Variants in PPP4R4 observed in about 807,000 individuals in gnomAD.
PPP4R4 encodes serine/threonine-protein phosphatase 4 regulatory subunit 4.
In PPP4R4, 70 loss-of-function variants were observed where a neutral mutation model predicts 121.8. The ratio of observed to expected loss-of-function variants is 0.57; its 90% CI spans 0.47 to 0.70. PPP4R4 has a LOEUF of 0.70. PPP4R4 is among the 30% of genes least tolerant of loss of function. The pLI, the probability that PPP4R4 is intolerant of heterozygous loss-of-function variation, is 0.00. For synonymous variants in PPP4R4, 348 were observed against 355.7 expected (o/e 0.98, Z 0.24); for missense variants, 875 against 1,033.6 (o/e 0.85, Z 2.10).
chr14:94,267,887 A>G (rs1227027764), intron 23 of PPP4R4, among the ~76,000 whole-genome samples: 2 of 152,132 alleles, frequency 1.3e-5, no homozygotes, highest in Non-Finnish European at 1.5e-5. Context: ...CTTAGGAGGA[A>G]TGTATATACT....
intron 23 of PPP4R4, among the ~76,000 whole-genome samples, 182 bp downstream of exon 23, chr14:94,267,211 T>C (rs551196752): frequency 6.6e-6 from 1 of 152,336 alleles, no homozygotes; most frequent in South Asian, 2.1e-4. Context: ...CTATTTTGTC[T>C]TCACTGTGTC....
chr14:94,224,475 T>A (rs944785901), intron 3 of PPP4R4, among the ~76,000 whole-genome samples: 1 of 151,890 alleles, frequency 6.6e-6, no homozygotes, highest in African/African-American at 2.4e-5. Context: ...ATTAAAGAAA[T>A]AGACAACAAA....
At chr14:94,274,865 A>G (rs914167395) in intron 23 of PPP4R4, among the ~76,000 whole-genome samples, 1 of 152,196 alleles carries the variant, frequency 6.6e-6, no homozygotes. Context: ...TATTTGTAAT[A>G]TATAAAAACT....
chr14:94,203,946 T>C (rs1890326867), intron 2 of PPP4R4, among the ~76,000 whole-genome samples: 2 of 152,202 alleles, frequency 1.3e-5, no homozygotes, highest in Admixed American at 1.3e-4. Context: ...CTAGCCCTTT[T>C]TCAAACATTC....
intron 3 of PPP4R4, among the ~76,000 whole-genome samples, chr14:94,213,120 C>T (rs188658225): frequency 1.3e-5 from 2 of 152,292 alleles, no homozygotes; most frequent in African/African-American, 4.8e-5. Flanking sequence ...GATCACTTGA[C>T]AGTGGAAGAA....
At chr14:94,261,504 A>G (rs1893784508) in intron 19 of PPP4R4, among the ~76,000 whole-genome samples, 1 of 152,018 alleles carries the variant, frequency 6.6e-6, no homozygotes, top group African/African-American at 2.4e-5. Context: ...GTAAGTGATC[A>G]TATCTTCTTT....
intron 17 of PPP4R4, among the ~76,000 whole-genome samples, chr14:94,257,420 G>A (rs1190495546): frequency 6.6e-6 from 1 of 151,924 alleles, no homozygotes; most frequent in African/African-American, 2.4e-5. Context: ...TTCCTTATTA[G>A]TGTCATAAAT....
At chr14:94,241,168 A>C (rs1892613800) in intron 9 of PPP4R4, among the ~76,000 whole-genome samples, 1 of 152,146 alleles carries the variant, frequency 6.6e-6, no homozygotes, top group Admixed American at 6.5e-5. Flanking sequence ...AGAGAAGTTC[A>C]GCTTGGGATG....
chr14:94,221,609 A>G (rs1259023526), intron 3 of PPP4R4, among the ~76,000 whole-genome samples: 1 of 152,124 alleles, frequency 6.6e-6, no homozygotes, highest in Non-Finnish European at 1.5e-5. Flanking sequence ...ATCATTAGTC[A>G]TTAGGACAAT....
In PPP4R4 at chr14:94,234,667, TG is replaced by T; in HGVS notation, c.731+1del. 6.4e-7 allele frequency: 1 copy of T among 1,562,236 alleles called. No homozygotes were observed. The highest frequency in any genetic ancestry group is 1.1e-5 in the South Asian group (1 of 89,610). ...RQLENIAQGI[G>X]TELTKSVVLP... ...AATTAGAAAATATAGCCCAGGGCAT[TG>T]GGTAGGTATACTTTGAATTCCTTAT... is the stretch of plus-strand genomic sequence containing the variant. On this transcript the variant is annotated frameshift_variant and splice_region_variant, in exon 7 of 25. Transcript: ENST00000304338. LOFTEE classifies it high-confidence loss of function.
intron 14 of PPP4R4, among the ~76,000 whole-genome samples, chr14:94,246,849 G>T (rs1892920951): frequency 6.6e-6 from 1 of 152,186 alleles, no homozygotes; most frequent in African/African-American, 2.4e-5. Context: ...TTCTTAAGAG[G>T]AAGGTTGACA....
intron 24 of PPP4R4, among the ~76,000 whole-genome samples, chr14:94,277,176 C>G (rs572137922): frequency 8.0e-4 from 122 of 152,288 alleles, no homozygotes; most frequent in African/African-American, 2.7e-3. Context: ...TGGCATGTGC[C>G]TGTAATCCCA....
Position 94,242,325 on chromosome 14 carries a change from A to T in PPP4R4, c.1183A>T (p.Met395Leu), listed in dbSNP as rs1892677472. 6.2e-7 allele frequency: 1 copy of T among 1,609,888 alleles called. No homozygotes were observed. Among genetic ancestry groups the T allele is most frequent in the Non-Finnish European group, 8.5e-7 (1 of 1,176,368 alleles). Residue 395 changes from methionine (M) to leucine (L), a missense_variant, in exon 11 of 25, where the codon ATG (methionine) becomes TTG (leucine). Coordinates refer to ENST00000304338, the MANE Select transcript of PPP4R4 (RefSeq NM_058237.2). ...IVFVDPKNFH[M>L]ELYSTFFCLC... ...TTTTGTTGATCCTAAAAACTTCCAC[A>T]TGGAACTCTATTCTACATTCTTCTG...
In PPP4R4 at chr14:94,231,349, A is replaced by C. The variant is rs1442514679; in HGVS notation, c.516+34A>C. On this transcript the variant is annotated intron_variant, in intron 5 of 24. Transcript: ENST00000304338. ...TTCATGGGGGCAAATACTAATAAGTAAGTCACTCTAAGGTTTTTTTTTAAA... is the reference window on the plus strand; with the variant it reads ...TTCATGGGGGCAAATACTAATAAGTCAGTCACTCTAAGGTTTTTTTTTAAA... 5 of 1,523,698 alleles carry C rather than the reference A, an allele frequency of 3.3e-6. No individual in the cohort carries two copies. In the Middle Eastern group the frequency reaches 5.2e-4, roughly 157 times the overall value. The allele number at this position is 1,523,698 out of a possible 1,614,324, so 94.4% of individuals were successfully genotyped here. A position where few individuals can be genotyped will look rare whatever the true frequency, so the allele number is the denominator to read the frequency against.
At chr14:94,193,349 A>G (rs1331496185) in intron 2 of PPP4R4, among the ~76,000 whole-genome samples, 4 of 152,100 alleles carry the variant, frequency 2.6e-5, no homozygotes, top group Non-Finnish European at 4.4e-5. Context: ...TTGGAGTAGT[A>G]CAGGCTGCAT....
chr14:94,233,851 C>A, intron 6 of PPP4R4, 92 bp downstream of exon 6: 2 of 832,816 alleles, frequency 2.4e-6, no homozygotes, highest in Non-Finnish European at 1.9e-6. Context: ...TTATTTCATA[C>A]TGCATACAAA....
intron 2 of PPP4R4, among the ~76,000 whole-genome samples, chr14:94,199,903 G>A (rs751708807): frequency 5.9e-5 from 9 of 152,078 alleles, no homozygotes; most frequent in Non-Finnish European, 1.2e-4. Flanking sequence ...TAGGGTCTTG[G>A]GGTTTTTATA....
At chr14:94,232,875 G>C (rs2139537660) in intron 5 of PPP4R4, among the ~76,000 whole-genome samples, 1 of 152,186 alleles carries the variant, frequency 6.6e-6, no homozygotes, top group South Asian at 2.1e-4. Flanking sequence ...TGGCTAACAC[G>C]GTGAAACCCC....
chr14:94,227,925 T>G (rs1891806335), intron 3 of PPP4R4: 1 of 959,406 alleles, frequency 1.0e-6, no homozygotes. Flanking sequence ...GTGGAAGAAA[T>G]GTTTCTTTTG....
Sources: gnomAD v4.1 joint callset for allele counts (sites outside exome capture counted in the v4.1 genomes callset) on GRCh38, gnomAD v4.1.1 for gene constraint, MANE v1.5 for transcripts, NCBI Gene and HGNC (gene_info 2026-07-23, HGNC 2026-07-21) for gene names.